The following ONECUT3 variants were observed in gnomAD, a reference collection of about 807,000 sequenced individuals.
ONECUT3 encodes one cut domain family member 3.
Under a neutral mutation model 16.8 loss-of-function variants are expected in ONECUT3, and 11 were observed. The ratio of observed to expected loss-of-function variants is 0.66; its 90% CI spans 0.41 to 1.09. ONECUT3 has a LOEUF of 1.09. Ranked by LOEUF, ONECUT3 falls within the 50% of genes least tolerant of loss-of-function variation. The pLI, the probability that ONECUT3 is intolerant of heterozygous loss-of-function variation, is 0.00. For synonymous variants in ONECUT3, 344 were observed against 310.7 expected (o/e 1.11, Z -1.13); for missense variants, 637 against 629.9 (o/e 1.01, Z -0.12).
In ONECUT3 at chr19:1,772,889, G is replaced by A. The variant is rs552968028; in HGVS notation, c.1193-2264G>A. On this transcript the variant is annotated intron_variant, in intron 1 of 1. Transcript: ENST00000382349. ...TTTTTTTTTTTTTTTTTTTTTAGTA[G>A]AGACAGGGTTTCACCGTGTTAGCCA... Among the ~76,000 whole-genome samples the A allele has an allele frequency of 9.5e-3, 1,239 of 130,140 alleles. 22 individuals carry two copies. Among genetic ancestry groups the A allele is most frequent in the African/African-American group, 0.035 (1,177 of 33,584 alleles). The allele number at this position is 130,140 out of a possible 152,430, so 85.4% of individuals were successfully genotyped here.
chr19:1,772,915 G>A (rs2068069789), intron 1 of ONECUT3, among the ~76,000 whole-genome samples: 1 of 147,468 alleles, frequency 6.8e-6, no homozygotes, highest in South Asian at 2.2e-4. Flanking sequence ...GTGTTAGCCA[G>A]GATGGTCTTG....
chr19:1,772,313 G>A (rs1040996883), intron 1 of ONECUT3, among the ~76,000 whole-genome samples: 1 of 151,402 alleles, frequency 6.6e-6, no homozygotes, highest in African/African-American at 2.4e-5. Flanking sequence ...ATGCCCAGTG[G>A]GCCTATTTAT....
intron 1 of ONECUT3, among the ~76,000 whole-genome samples, chr19:1,772,361 T>G (rs552113551): frequency 6.6e-6 from 1 of 152,098 alleles, no homozygotes; most frequent in Non-Finnish European, 1.5e-5. Flanking sequence ...AGTCTTACTC[T>G]GTCACCCAGG....
At chr19:1,757,333 C>T (rs1427546936) in intron 1 of ONECUT3, among the ~76,000 whole-genome samples, 1 of 152,250 alleles carries the variant, frequency 6.6e-6, no homozygotes, top group East Asian at 1.9e-4. Context: ...GTTTGTGCCT[C>T]GCCTTCCTGA....
intron 1 of ONECUT3, among the ~76,000 whole-genome samples, chr19:1,765,848 C>T (rs2067983037): frequency 6.6e-6 from 1 of 152,196 alleles, no homozygotes; most frequent in Non-Finnish European, 1.5e-5. Context: ...CAGAGAGGAG[C>T]CCACCCTGGG....
rs759006591 is a variant in ONECUT3 at position 1,772,860 on chromosome 19, A to ATT, written c.1193-2270_1193-2269dup. 9.0e-4 allele frequency among the ~76,000 whole-genome samples: 96 copies of ATT among 107,196 alleles called. 2 individuals carry two copies. The highest frequency in any genetic ancestry group is 8.0e-3 in the South Asian group (26 of 3,268). The allele number at this position is 107,196 out of a possible 152,430, so 70.3% of individuals were successfully genotyped here. ...AGGCATGCACCACCACGTCCAGCTA[A>ATT]TTTTTTTTTTTTTTTTTTTTTTTTA... On this transcript the variant is annotated intron_variant, in intron 1 of 1. Coordinates refer to ENST00000382349, the MANE Select transcript of ONECUT3 (RefSeq NM_001080488.2).
intron 1 of ONECUT3, among the ~76,000 whole-genome samples, chr19:1,767,954 A>G (rs2068008446): frequency 6.6e-6 from 1 of 151,772 alleles, no homozygotes; most frequent in South Asian, 2.1e-4. Context: ...TCATCCTTAG[A>G]TTCCAAAAAG....
At chr19:1,769,115 G>A (rs1168736396) in intron 1 of ONECUT3, among the ~76,000 whole-genome samples, 1 of 150,662 alleles carries the variant, frequency 6.6e-6, no homozygotes, top group African/African-American at 2.4e-5. Context: ...GATGCTGGAG[G>A]TGGAGGTGAT....
chr19:1,753,688 G>T lies in ONECUT3; in HGVS notation c.26G>T (p.Gly9Val). 1 of 1,051,796 alleles carries T rather than the reference G, an allele frequency of 9.5e-7. No homozygotes were observed. Among genetic ancestry groups the T allele is most frequent in the Non-Finnish European group, 1.1e-6 (1 of 874,300 alleles). The allele number at this position is 1,051,796 out of a possible 1,614,324, so 65.2% of individuals were successfully genotyped here. ...ATGGAGCTGAGCCTGGAGAGCCTGG[G>T]GGGCCTGCACAGCGTGGCCCACGCG... is the stretch of plus-strand genomic sequence containing the variant. MELSLESLGGLHSVAHAQA... is the reference protein window; with the variant it reads MELSLESLVGLHSVAHAQA... The change falls in exon 1 of 2, where the codon GGG becomes GTG. Residue 9 changes from glycine to valine, a missense_variant. This residue lies in a region of ONECUT3 where 419 missense variants were observed against 377.9 expected (regional missense o/e 1.11). Transcript: ENST00000382349.
At chr19:1,768,525 TG>T (rs1043942654) in intron 1 of ONECUT3, among the ~76,000 whole-genome samples, 3 of 152,142 alleles carry the variant, frequency 2.0e-5, no homozygotes, top group African/African-American at 7.2e-5. Context: ...GGGACTCGCC[TG>T]GGGTCCCAGA....
intron 1 of ONECUT3, among the ~76,000 whole-genome samples, chr19:1,768,944 GAGGTA>G (rs2068022917): frequency 6.6e-6 from 1 of 151,718 alleles, no homozygotes; most frequent in African/African-American, 2.4e-5. Flanking sequence ...GGAGGAGGTA[GAGGTA>G]GAGGTGCTGG....
chr19:1,770,092 G>A (rs2068040262), intron 1 of ONECUT3, among the ~76,000 whole-genome samples: 1 of 152,160 alleles, frequency 6.6e-6, no homozygotes, highest in Non-Finnish European at 1.5e-5. Flanking sequence ...CTGCCTTGTA[G>A]AATTATTGTA....
rs1226046396 is a variant in ONECUT3 at position 1,766,810 on chromosome 19, C to CG, written c.1193-8343_1193-8342insG. 8.1e-6 allele frequency among the ~76,000 whole-genome samples: 1 copy of CG among 122,708 alleles called. No homozygotes were observed. The highest frequency in any genetic ancestry group is 1.7e-5 in the Non-Finnish European group (1 of 58,284). 80.5% of individuals were successfully genotyped at this position (122,708 alleles called of 152,430 possible). A position where few individuals can be genotyped will look rare whatever the true frequency, so the allele number is the denominator to read the frequency against. Reference sequence around the variant, plus strand: ...AGGGTCTTGCAGGCTGGGCTGAGACCCCCCCCCCATGCTCCACCACCCTCG... The same window carrying CG: ...AGGGTCTTGCAGGCTGGGCTGAGACCGCCCCCCCCATGCTCCACCACCCTCG... On this transcript the variant is annotated intron_variant, in intron 1 of 1. Coordinates refer to ENST00000382349, the MANE Select transcript of ONECUT3 (RefSeq NM_001080488.2). The surrounding 1 kb of genome is among the most constrained non-coding windows in gnomAD (Gnocchi z 4.0).
chr19:1,765,045 G>A lies in ONECUT3; in HGVS notation c.1193-10108G>A, dbSNP rs1393131459. Among the ~76,000 whole-genome samples the A allele has an allele frequency of 6.6e-5, 10 of 152,282 alleles. No individual in the cohort carries two copies. The East Asian group carries it at 9.7e-4, about 15-fold the overall frequency. On this transcript the variant is annotated intron_variant, in intron 1 of 1. Transcript: ENST00000382349. ...CGGGCACACAGCGGGGTAGACTCAC[G>A]TGGCTTGGTGGTTTGGGGCACTGTA...
Position 1,754,103 on chromosome 19 carries a change from G to A in ONECUT3, c.441G>A (p.Pro147=). The change falls in exon 1 of 2, where the codon CCG becomes CCA. Residue 147 remains proline, a synonymous_variant. Coordinates refer to ENST00000382349, the MANE Select transcript of ONECUT3 (RefSeq NM_001080488.2). This position sits in a 1 kb window ranked among gnomAD's most constrained non-coding sequence, Gnocchi z 7.4. ...HGGHPHAHPH[P]AAAPPPPPPP... is the part of the protein sequence containing the mutation. ...GCCATCCCCACGCGCACCCGCACCC[G>A]GCGGCCGCGCCGCCCCCGCCACCCC... 1 of 1,009,192 alleles carries A rather than the reference G, an allele frequency of 9.9e-7. No individual in the cohort carries two copies. 62.5% of individuals were successfully genotyped at this position (1,009,192 alleles called of 1,614,324 possible). A position where few individuals can be genotyped will look rare whatever the true frequency, so the allele number is the denominator to read the frequency against.
rs948136068 is a variant in ONECUT3 at position 1,758,936 on chromosome 19, C to A, written c.1192+4082C>A. Among the ~76,000 whole-genome samples the A allele has an allele frequency of 1.3e-5, 2 of 152,162 alleles. No individual in the cohort carries two copies. The highest frequency in any genetic ancestry group is 2.9e-5 in the Non-Finnish European group (2 of 68,034). On this transcript the variant is annotated intron_variant, in intron 1 of 1. Transcript: ENST00000382349. The surrounding 1 kb of genome is among the most constrained non-coding windows in gnomAD (Gnocchi z 5.9). The stretch of plus-strand genomic sequence containing the variant: ...TTTGTAACTGATCAGAAAAAAAATA[C>A]GTATATAGATAATACAAAGTTAGAT...
At chr19:1,771,999 A>AT (rs755327750) in intron 1 of ONECUT3, among the ~76,000 whole-genome samples, 1 of 143,240 alleles carries the variant, frequency 7.0e-6, no homozygotes, top group South Asian at 2.2e-4. Context: ...TTATTTATTT[A>AT]TTTATTTATT....
chr19:1,765,021 G>A (rs773416196), intron 1 of ONECUT3, among the ~76,000 whole-genome samples: 10 of 152,136 alleles, frequency 6.6e-5, no homozygotes, highest in East Asian at 3.9e-4. Context: ...CAGGGAGGAC[G>A]GGCACACAGC....
intron 1 of ONECUT3, among the ~76,000 whole-genome samples, chr19:1,761,654 G>A (rs2067947005): frequency 6.6e-6 from 1 of 152,202 alleles, no homozygotes; most frequent in Non-Finnish European, 1.5e-5. Context: ...CTGGCGCTGG[G>A]TGGAATCAAG....
Sources: gnomAD v4.1 joint callset for allele counts (sites outside exome capture counted in the v4.1 genomes callset) on GRCh38, gnomAD v4.1.1 for gene constraint, gnomAD v4.1.1 regional missense constraint, Gnocchi (gnomAD v3.1) non-coding constraint, MANE v1.5 for transcripts, NCBI Gene and HGNC (gene_info 2026-07-23, HGNC 2026-07-21) for gene names.